Variants in KHDRBS2 observed in about 807,000 individuals in gnomAD.
KHDRBS2 encodes KH RNA binding domain containing, signal transduction associated 2.
A neutral mutation model predicts 44.3 loss-of-function variants in KHDRBS2; 26 were observed. That is an observed-to-expected ratio of 0.59 (90% CI 0.43 to 0.81). The LOEUF is 0.81. Among genes scored for constraint, KHDRBS2 ranks in the 40% least tolerant of loss-of-function variants. The pLI is 0.00. For synonymous variants in KHDRBS2, 194 were observed against 151.1 expected (o/e 1.28, Z -2.08); for missense variants, 476 against 433.1 (o/e 1.10, Z -0.88).
chr6:61,787,914 C>CT, intron 6 of KHDRBS2, among the ~76,000 whole-genome samples: 1 of 151,738 alleles, frequency 6.6e-6, no homozygotes, highest in East Asian at 1.9e-4. Context: ...CTGTACACCT[C>CT]TAAAGTTACT....
At chr6:61,863,259 GT>G (rs61624926) in intron 6 of KHDRBS2, among the ~76,000 whole-genome samples, 4,788 of 134,552 alleles carry the variant, frequency 0.036, 210 homozygotes, top group African/African-American at 0.12. Flanking sequence ...TTTTGAAGGG[GT>G]TTTTTTTTTT....
intron 3 of KHDRBS2, among the ~76,000 whole-genome samples, chr6:61,982,159 T>C (rs1195313422): frequency 6.6e-6 from 1 of 152,168 alleles, no homozygotes; most frequent in Non-Finnish European, 1.5e-5. Flanking sequence ...TGTCAAATTC[T>C]TGTGAATTAT....
chr6:61,881,204 T>C (rs1484614434), intron 6 of KHDRBS2, among the ~76,000 whole-genome samples: 1 of 151,922 alleles, frequency 6.6e-6, no homozygotes, highest in African/African-American at 2.4e-5. Context: ...GGAAGGCCCA[T>C]GTTTAAGTGC....
chr6:62,028,696 T>G (rs1783813711), intron 3 of KHDRBS2, among the ~76,000 whole-genome samples: 1 of 152,124 alleles, frequency 6.6e-6, no homozygotes, highest in Non-Finnish European at 1.5e-5. Context: ...TTTGTTTGCA[T>G]GTGGATATGT....
At chr6:61,664,715 T>C in the KHDRBS2 span, among the ~76,000 whole-genome samples, 35 of 151,878 alleles carry the variant, frequency 2.3e-4, no homozygotes, top group African/African-American at 8.4e-4. Context: ...ACCTGATGGG[T>C]AGAAGAAGTT....
intron 2 of KHDRBS2, among the ~76,000 whole-genome samples, chr6:62,105,981 T>C (rs191254990): frequency 1.8e-4 from 28 of 152,322 alleles, no homozygotes; most frequent in African/African-American, 9.6e-5. Flanking sequence ...TGTTGTGTCT[T>C]TGTTCCCGTT....
the KHDRBS2 span, among the ~76,000 whole-genome samples, chr6:61,641,991 T>G: frequency 3.3e-5 from 5 of 152,136 alleles, no homozygotes; most frequent in African/African-American, 7.2e-5. Context: ...GGAACTGAGA[T>G]TTGGAGAGAT....
At chr6:61,663,499 C>CAATATATATATATATATATATATA in the KHDRBS2 span, among the ~76,000 whole-genome samples, 1 of 5,628 alleles carries the variant, frequency 1.8e-4, no homozygotes, top group African/African-American at 7.0e-4. Flanking sequence ...GCATGAGACA[C>CAATATATATATATATATATATATA]CATATATATA....
At chr6:61,663,526 T>TATATATATATATATATATATATATATATA in the KHDRBS2 span, among the ~76,000 whole-genome samples, 2 of 116,872 alleles carry the variant, frequency 1.7e-5, no homozygotes, top group East Asian at 2.7e-4. Context: ...TATATATATA[T>TATATATATATATATATATATATATATATA]GCAGCTGGGA....
At chr6:62,088,071 G>A (rs1798752004) in intron 2 of KHDRBS2, among the ~76,000 whole-genome samples, 1 of 152,144 alleles carries the variant, frequency 6.6e-6, no homozygotes, top group Non-Finnish European at 1.5e-5. Flanking sequence ...CTCTAAACTG[G>A]TTATTCTAGT....
chr6:62,228,774 T>A (rs1832370374), intron 1 of KHDRBS2, among the ~76,000 whole-genome samples: 1 of 152,162 alleles, frequency 6.6e-6, no homozygotes, highest in Admixed American at 6.5e-5. Flanking sequence ...GATTTCTGGC[T>A]TAATTCCATT....
intron 2 of KHDRBS2, among the ~76,000 whole-genome samples, chr6:62,166,772 G>T (rs1818772153): frequency 6.6e-6 from 1 of 151,922 alleles, no homozygotes; most frequent in African/African-American, 2.4e-5. Flanking sequence ...TTATAATGGT[G>T]ATATTTCTTT....
chr6:61,732,739 T>A lies in KHDRBS2; in HGVS notation c.836A>T (p.Glu279Val). Residue 279 changes from glutamate (E) to valine (V), a missense_variant, in exon 7 of 9, where the codon GAA (glutamate) becomes GTA (valine). Coordinates refer to ENST00000281156, the MANE Select transcript of KHDRBS2 (RefSeq NM_152688.4). The part of the protein sequence containing the change: ...EYGYDDGYGG[E>V]YDDQTYETYD... ...AGTCTCATAGGTCTGGTCATCATAT[T>A]CACCCCCGTAGCCATCATCATAACC... 1 of 1,609,936 alleles carries A rather than the reference T, an allele frequency of 6.2e-7. No individual in the cohort carries two copies. Among genetic ancestry groups the A allele is most frequent in the Non-Finnish European group, 8.5e-7 (1 of 1,176,306 alleles).
the KHDRBS2 span, among the ~76,000 whole-genome samples, chr6:61,641,475 C>T: frequency 6.6e-6 from 1 of 152,136 alleles, no homozygotes; most frequent in Non-Finnish European, 1.5e-5. Context: ...ATTCTTTCTT[C>T]CTATTAAAGC....
At chr6:61,845,464 T>A (rs1166935095) in intron 6 of KHDRBS2, among the ~76,000 whole-genome samples, 5 of 152,058 alleles carry the variant, frequency 3.3e-5, no homozygotes, top group African/African-American at 1.2e-4. Flanking sequence ...TGCATGCCAC[T>A]ACGCCCAGCT....
At chr6:62,073,337 T>C (rs1447248121) in intron 2 of KHDRBS2, among the ~76,000 whole-genome samples, 1 of 151,620 alleles carries the variant, frequency 6.6e-6, no homozygotes, top group African/African-American at 2.4e-5. Flanking sequence ...TTATTTAATA[T>C]GTTGGCATGC....
chr6:62,019,473 A>T (rs1230910020), intron 3 of KHDRBS2, among the ~76,000 whole-genome samples: 1 of 152,066 alleles, frequency 6.6e-6, no homozygotes, highest in Non-Finnish European at 1.5e-5. Context: ...ATGAACTGGG[A>T]AATAATTCTT....
intron 3 of KHDRBS2, among the ~76,000 whole-genome samples, chr6:62,032,514 A>C (rs1784534642): frequency 6.7e-6 from 1 of 149,358 alleles, no homozygotes; most frequent in South Asian, 2.1e-4. Flanking sequence ...TACTTAATAA[A>C]CTCCCATATA....
Position 61,769,625 on chromosome 6 carries a change from C to CA in KHDRBS2, c.811-36862_811-36861insT, listed in dbSNP as rs1264300755. On this transcript the variant is annotated intron_variant, in intron 6 of 8. Transcript: ENST00000281156. The stretch of plus-strand genomic sequence containing the variant: ...ATCAAACTGCAAGGCGGCAGCGAGG[C>CA]TGGGGGGGCGGCGCCCGCCATTGCC... Among the ~76,000 whole-genome samples, 538 of 126,234 alleles carry CA rather than the reference C, an allele frequency of 4.3e-3. 5 individuals carry two copies. The highest frequency in any genetic ancestry group is 0.019 in the African/African-American group (527 of 27,728). The allele number at this position is 126,234 out of a possible 152,430, so 82.8% of individuals were successfully genotyped here.
Sources: allele counts gnomAD v4.1 joint callset (sites outside exome capture counted in the v4.1 genomes callset), GRCh38; gene constraint gnomAD v4.1.1; transcripts MANE v1.5; gene names NCBI Gene and HGNC (gene_info 2026-07-23, HGNC 2026-07-21).